Variants in EXOC6B observed in about 807,000 individuals in gnomAD.
The protein encoded by EXOC6B is exocyst complex component 6B.
In EXOC6B, 54 loss-of-function variants were observed where a neutral mutation model predicts 113.5. The ratio of observed to expected loss-of-function variants is 0.48; its 90% CI spans 0.38 to 0.60. EXOC6B has a LOEUF of 0.60. Ranked by LOEUF, EXOC6B falls within the 20% of genes least tolerant of loss-of-function variation. The pLI is 0.00. For synonymous variants in EXOC6B, 357 were observed against 339.0 expected, an observed-to-expected ratio of 1.05 and a Z score of -0.58; for missense variants, 797 against 977.5, an observed-to-expected ratio of 0.82 and a Z score of 2.46.
intron 11 of EXOC6B, among the ~76,000 whole-genome samples, chr2:72,500,745 T>C (rs1472718779): frequency 2.0e-5 from 3 of 152,194 alleles, no homozygotes; most frequent in Non-Finnish European, 2.9e-5. Flanking sequence ...GATGTGTATG[T>C]CATTATTGTA....
chr2:72,811,804 T>C (rs1165898622), intron 1 of EXOC6B, among the ~76,000 whole-genome samples: 2 of 152,198 alleles, frequency 1.3e-5, no homozygotes, highest in African/African-American at 2.4e-5. Context: ...TTAAATCACA[T>C]GATCATATAA....
At chr2:72,711,690 C>T (rs1679282628) in intron 6 of EXOC6B, among the ~76,000 whole-genome samples, 1 of 152,082 alleles carries the variant, frequency 6.6e-6, no homozygotes, top group Admixed American at 6.6e-5. Flanking sequence ...ATTACTCTTG[C>T]ACTTTGGAGC....
At chr2:72,246,852 T>C (rs1682698555) in intron 20 of EXOC6B, among the ~76,000 whole-genome samples, 1 of 152,196 alleles carries the variant, frequency 6.6e-6, no homozygotes, top group South Asian at 2.1e-4. Flanking sequence ...GAATACTGGG[T>C]AAGAGGCTGG....
intron 18 of EXOC6B, among the ~76,000 whole-genome samples, chr2:72,454,403 G>A (rs982418804): frequency 1.2e-4 from 18 of 152,092 alleles, no homozygotes; most frequent in African/African-American, 4.3e-4. Flanking sequence ...ACTTTGCAGG[G>A]CTGTTGTGGG....
chr2:72,335,552 A>G (rs537995178), intron 19 of EXOC6B, among the ~76,000 whole-genome samples: 637 of 4,684 alleles, frequency 0.14, 9 homozygotes, highest in African/African-American at 0.21. Context: ...ATTATTGCAC[A>G]CACACACACA....
chr2:72,435,815 T>C lies in EXOC6B; in HGVS notation c.1980+29345A>G, dbSNP rs201159859. ...GTCTTTGCACGTGAGATGGATCTCC[T>C]GAATACAGCACACAGATGGTCTTGA... On this transcript the variant is annotated intron_variant, in intron 18 of 21. Coordinates refer to ENST00000272427, the MANE Select transcript of EXOC6B (RefSeq NM_015189.3). Among the ~76,000 whole-genome samples, 18 of 152,266 alleles carry C rather than the reference T, an allele frequency of 1.2e-4. No homozygotes were observed. In the East Asian group the frequency reaches 2.9e-3, roughly 24 times the overall value.
At chr2:72,392,819 C>T (rs1192681280) in intron 18 of EXOC6B, among the ~76,000 whole-genome samples, 1 of 152,094 alleles carries the variant, frequency 6.6e-6, no homozygotes, top group East Asian at 1.9e-4. Flanking sequence ...TTTGCCCTTA[C>T]TCTGAAAGGA....
intron 6 of EXOC6B, among the ~76,000 whole-genome samples, chr2:72,590,935 T>TAGTAG (rs2103931463): frequency 6.6e-6 from 1 of 152,132 alleles, no homozygotes; most frequent in East Asian, 1.9e-4. Flanking sequence ...TGATGAACCA[T>TAGTAG]AGTAGAGAGC....
chr2:72,232,476 G>A (rs1425929294), intron 20 of EXOC6B, among the ~76,000 whole-genome samples: 1 of 151,996 alleles, frequency 6.6e-6, no homozygotes, highest in Non-Finnish European at 1.5e-5. Flanking sequence ...TTGATCCTAA[G>A]GAACTCTTAA....
intron 11 of EXOC6B, among the ~76,000 whole-genome samples, chr2:72,506,841 A>G (rs1700621192): frequency 6.6e-6 from 1 of 152,132 alleles, no homozygotes; most frequent in South Asian, 2.1e-4. Context: ...GACTAGGTTG[A>G]TTAGTATAGT....
At chr2:72,588,965 T>C (rs1181215345) in intron 6 of EXOC6B, among the ~76,000 whole-genome samples, 1 of 152,000 alleles carries the variant, frequency 6.6e-6, no homozygotes, top group Non-Finnish European at 1.5e-5. Context: ...CATGGGTTAA[T>C]TGCACTTACT....
intron 18 of EXOC6B, among the ~76,000 whole-genome samples, chr2:72,407,333 G>T (rs1009424627): frequency 6.6e-6 from 1 of 152,148 alleles, no homozygotes; most frequent in Non-Finnish European, 1.5e-5. Flanking sequence ...CCAATCAACA[G>T]AAAAAGAGGG....
chr2:72,632,419 C>A (rs1440372398), intron 6 of EXOC6B, among the ~76,000 whole-genome samples: 1 of 152,112 alleles, frequency 6.6e-6, no homozygotes, highest in East Asian at 1.9e-4. Context: ...TGTCTATATT[C>A]TTTAATCCAA....
chr2:72,434,038 G>T (rs1440947370), intron 18 of EXOC6B, among the ~76,000 whole-genome samples: 1 of 152,150 alleles, frequency 6.6e-6, no homozygotes, highest in Non-Finnish European at 1.5e-5. Context: ...TTGGCTGTGG[G>T]TTTGTCATAA....
At chr2:72,752,759 T>C (rs1456751428) in intron 1 of EXOC6B, among the ~76,000 whole-genome samples, 10 of 152,192 alleles carry the variant, frequency 6.6e-5, no homozygotes, top group Admixed American at 6.6e-4. Context: ...AGACTATTAA[T>C]TGTCAAATCA....
chr2:72,646,170 C>A (rs542887752), intron 6 of EXOC6B, among the ~76,000 whole-genome samples: 2 of 152,020 alleles, frequency 1.3e-5, no homozygotes, highest in African/African-American at 2.4e-5. Flanking sequence ...AACACCTCTA[C>A]GCAGATAAAC....
chr2:72,432,109 T>G (rs1695571327), intron 18 of EXOC6B, among the ~76,000 whole-genome samples: 1 of 152,102 alleles, frequency 6.6e-6, no homozygotes, highest in African/African-American at 2.4e-5. Context: ...CAATCTCAGC[T>G]CACTGCAACC....
rs539878906 is a variant in EXOC6B, at chr2:72,203,907, G to A, written c.2197-19720C>T. ...GACGCTCAGGCTGTGGGCCTTCAAGGTATTATACACTGCATCTCTAAGCTT... is the reference window on the plus strand; with the variant it reads ...GACGCTCAGGCTGTGGGCCTTCAAGATATTATACACTGCATCTCTAAGCTT... On this transcript the variant is annotated intron_variant, in intron 20 of 21. Coordinates refer to ENST00000272427, the MANE Select transcript of EXOC6B (RefSeq NM_015189.3). 1.6e-4 allele frequency among the ~76,000 whole-genome samples: 24 copies of A among 152,302 alleles called. 1 individual carries two copies. The South Asian group carries it at 2.5e-3, about 16-fold the overall frequency.
intron 3 of EXOC6B, among the ~76,000 whole-genome samples, 194 bp downstream of exon 3, chr2:72,732,877 C>A (rs150661700): frequency 6.6e-6 from 1 of 152,154 alleles, no homozygotes; most frequent in Non-Finnish European, 1.5e-5. Flanking sequence ...AACTAAGAAG[C>A]CTGTATCCTG....
Sources: gnomAD v4.1 joint callset for allele counts (sites outside exome capture counted in the v4.1 genomes callset) on GRCh38, gnomAD v4.1.1 for gene constraint, MANE v1.5 for transcripts, NCBI Gene and HGNC (gene_info 2026-07-23, HGNC 2026-07-21) for gene names.